ESR1: variants seen among roughly 807,000 people sequenced by gnomAD.
The protein encoded by ESR1 is estrogen receptor.
ESR1 carries 12 observed loss-of-function variants against 52.7 expected under a neutral mutation model. The observed-to-expected ratio is 0.23, with a 90% CI of 0.15 to 0.37. The LOEUF is 0.37. Ranked by LOEUF, ESR1 falls within the 10% of genes least tolerant of loss-of-function variation. The pLI is 1.00. For missense variants in ESR1, 584 were observed against 779.7 expected, an observed-to-expected ratio of 0.75 and a Z score of 2.99; for synonymous variants, 305 against 316.8, an observed-to-expected ratio of 0.96 and a Z score of 0.39.
chr6:151,662,354 C>G (rs1246221708), intron 1 of ESR1, among the ~76,000 whole-genome samples: 1 of 152,126 alleles, frequency 6.6e-6, no homozygotes, highest in African/African-American at 2.4e-5. Context: ...ATGGTTAATA[C>G]TGACTGAGAA....
At chr6:151,855,731 C>A (rs1328413575) in intron 2 of ESR1, among the ~76,000 whole-genome samples, 2 of 151,974 alleles carry the variant, frequency 1.3e-5, no homozygotes, top group Non-Finnish European at 2.9e-5. Flanking sequence ...TGCCTCAAAG[C>A]AGCATAATGG....
chr6:152,098,972 C>G lies in ESR1; in HGVS notation c.*6C>G, dbSNP rs1392234664. 1.2e-6 allele frequency: 2 copies of G among 1,608,682 alleles called. No individual in the cohort carries two copies. Among genetic ancestry groups the G allele is most frequent in the Non-Finnish European group, 1.7e-6 (2 of 1,175,254 alleles). ...GTTTCCCTGCCACGGTCTGAGAGCT[C>G]CCTGGCTCCCACACGGTTCAGATAA... On this transcript the variant is annotated 3_prime_UTR_variant, in exon 8 of 8. Transcript: ENST00000206249. This position sits in a 1 kb window ranked among gnomAD's most constrained non-coding sequence, Gnocchi z 5.1.
At chr6:151,924,381 C>G (rs527646086) in intron 3 of ESR1, among the ~76,000 whole-genome samples, 25 of 152,120 alleles carry the variant, frequency 1.6e-4, no homozygotes, top group African/African-American at 6.0e-4. Flanking sequence ...GATATTTTCA[C>G]ATACTTTTTT....
At chr6:151,856,709 A>G (rs1336736390) in intron 2 of ESR1, among the ~76,000 whole-genome samples, 1 of 152,182 alleles carries the variant, frequency 6.6e-6, no homozygotes, top group African/African-American at 2.4e-5. Flanking sequence ...ATATGAATCT[A>G]GGTCCCAGAA....
intron 2 of ESR1, among the ~76,000 whole-genome samples, chr6:151,792,322 T>C (rs1776241183): frequency 6.6e-6 from 1 of 152,218 alleles, no homozygotes; most frequent in Non-Finnish European, 1.5e-5. Flanking sequence ...TATTGTATGC[T>C]ACTGTAAACT....
intron 3 of ESR1, among the ~76,000 whole-genome samples, chr6:151,912,757 C>T (rs1584176438): frequency 6.6e-6 from 1 of 152,142 alleles, no homozygotes; most frequent in Non-Finnish European, 1.5e-5. Flanking sequence ...GAATGAGTTC[C>T]TGTCCTTTGC....
chr6:151,663,170 G>A (rs935299657), intron 1 of ESR1, among the ~76,000 whole-genome samples: 1 of 152,182 alleles, frequency 6.6e-6, no homozygotes, highest in African/African-American at 2.4e-5. Flanking sequence ...CAAATACAGG[G>A]TGTTTTGTGT....
In ESR1 at chr6:151,811,498, G is replaced by A. The variant is rs1372484442; in HGVS notation, c.452+3134G>A. ...CGTCTCTCACTTCTCCAAAAAACTT[G>A]GCAAATGTATAAATCTTTTGCATCA... On this transcript the variant is annotated intron_variant, in intron 1 of 7. Transcript: ENST00000206249. Among the ~76,000 whole-genome samples the A allele has an allele frequency of 2.0e-5, 3 of 152,162 alleles. No individual in the cohort carries two copies. In the East Asian group the frequency reaches 5.8e-4, roughly 29 times the overall value.
At chr6:151,866,773 T>A (rs1047052997) in intron 2 of ESR1, among the ~76,000 whole-genome samples, 1 of 152,232 alleles carries the variant, frequency 6.6e-6, no homozygotes, top group Non-Finnish European at 1.5e-5. Flanking sequence ...TTGTGAATAG[T>A]GCTGCAGTAA....
At chr6:151,892,861 T>C (rs1794897411) in intron 3 of ESR1, among the ~76,000 whole-genome samples, 1 of 152,178 alleles carries the variant, frequency 6.6e-6, no homozygotes, top group African/African-American at 2.4e-5. Flanking sequence ...AGAGACATCC[T>C]ATGATGAAGA....
intron 2 of ESR1, among the ~76,000 whole-genome samples, chr6:151,777,517 CAT>C (rs775857519): frequency 6.6e-6 from 1 of 152,072 alleles, no homozygotes; most frequent in East Asian, 1.9e-4. Flanking sequence ...TCACTGGACA[CAT>C]GTGGAGAATG....
intron 2 of ESR1, among the ~76,000 whole-genome samples, chr6:151,738,180 A>G (rs974653560): frequency 1.3e-5 from 2 of 152,188 alleles, no homozygotes; most frequent in African/African-American, 4.8e-5. Context: ...TTTTTGGGCA[A>G]TCAAATCTAT....
chr6:151,917,458 C>T (rs1288228171), intron 3 of ESR1, among the ~76,000 whole-genome samples: 1 of 152,130 alleles, frequency 6.6e-6, no homozygotes, highest in Admixed American at 6.6e-5. Context: ...CCACGGCTGT[C>T]TCTAGAAATG....
chr6:151,841,317 C>A (rs932271936), intron 1 of ESR1, among the ~76,000 whole-genome samples: 2 of 152,080 alleles, frequency 1.3e-5, no homozygotes, highest in Non-Finnish European at 2.9e-5. Context: ...AAAGGAATGC[C>A]TTCCCTCATT....
chr6:151,771,599 G>A (rs1336924284), intron 2 of ESR1, among the ~76,000 whole-genome samples: 3 of 152,164 alleles, frequency 2.0e-5, no homozygotes, highest in Non-Finnish European at 4.4e-5. Flanking sequence ...ATCATGGAGT[G>A]AAAAACAGCA....
At chr6:151,980,528 A>G (rs937819252) in intron 4 of ESR1, among the ~76,000 whole-genome samples, 4 of 152,168 alleles carry the variant, frequency 2.6e-5, no homozygotes, top group Non-Finnish European at 5.9e-5. Context: ...TCTTTTCTAT[A>G]TAGGTGACAA....
chr6:151,663,283 G>A (rs1562316374), intron 1 of ESR1, among the ~76,000 whole-genome samples: 2 of 152,126 alleles, frequency 1.3e-5, no homozygotes, highest in South Asian at 4.1e-4. Context: ...ATGTAGGTTG[G>A]TACTTCAAAG....
intron 2 of ESR1, among the ~76,000 whole-genome samples, chr6:151,861,375 G>A (rs894827334): frequency 2.0e-5 from 3 of 152,100 alleles, no homozygotes; most frequent in African/African-American, 4.8e-5. Flanking sequence ...ATTGCAAAAA[G>A]GTAATTATAT....
At chr6:151,657,948 T>A (rs942688672) in intron 1 of ESR1, among the ~76,000 whole-genome samples, 10 of 152,210 alleles carry the variant, frequency 6.6e-5, no homozygotes, top group African/African-American at 2.2e-4. Flanking sequence ...TGTTTCAAAA[T>A]ATTTTTAAAA....
Sources: allele counts gnomAD v4.1 joint callset (sites outside exome capture counted in the v4.1 genomes callset), GRCh38; gene constraint gnomAD v4.1.1; non-coding constraint Gnocchi (gnomAD v3.1); transcripts MANE v1.5; gene names NCBI Gene and HGNC (gene_info 2026-07-23, HGNC 2026-07-21).